The following CTNNA3 variants were observed in gnomAD, a reference collection of about 807,000 sequenced individuals.
The protein encoded by CTNNA3 is catenin alpha-3.
Under a neutral mutation model 95.7 loss-of-function variants are expected in CTNNA3, and 76 were observed. The observed-to-expected ratio is 0.79, with a 90% CI of 0.66 to 0.96. The LOEUF is 0.96. Among genes scored for constraint, CTNNA3 ranks in the 40% least tolerant of loss-of-function variants. The pLI is 0.00. For synonymous variants in CTNNA3, 431 were observed against 374.4 expected, an observed-to-expected ratio of 1.15 and a Z score of -1.74; for missense variants, 1,191 against 1,089.8, an observed-to-expected ratio of 1.09 and a Z score of -1.31.
At chr10:66,600,611 CT>C (rs906104007) in intron 10 of CTNNA3, among the ~76,000 whole-genome samples, 28 of 151,924 alleles carry the variant, frequency 1.8e-4, no homozygotes, top group African/African-American at 6.7e-4. Context: ...CTTCCTCCCC[CT>C]CTTTGCTGTG....
At chr10:67,064,476 A>G (rs1339696689) in intron 7 of CTNNA3, among the ~76,000 whole-genome samples, 1 of 152,196 alleles carries the variant, frequency 6.6e-6, no homozygotes, top group Non-Finnish European at 1.5e-5. Context: ...AAGGATGTTT[A>G]AGTTCACAAT....
intron 7 of CTNNA3, among the ~76,000 whole-genome samples, chr10:67,176,650 G>C (rs539915236): frequency 6.6e-6 from 1 of 152,234 alleles, no homozygotes; most frequent in South Asian, 2.1e-4. Flanking sequence ...GGATTTTGCA[G>C]ATGTAATTAA....
intron 7 of CTNNA3, among the ~76,000 whole-genome samples, chr10:67,122,066 G>C (rs1282846472): frequency 2.0e-5 from 3 of 149,356 alleles, no homozygotes; most frequent in Admixed American, 6.7e-5. Flanking sequence ...AGTCAAGGAC[G>C]TGAAGAAGGG....
At chr10:66,222,581 G>GAAA (rs1412599295) in intron 13 of CTNNA3, among the ~76,000 whole-genome samples, 446 of 147,100 alleles carry the variant, frequency 3.0e-3, no homozygotes, top group African/African-American at 9.0e-3. Flanking sequence ...AAAGAAAGAA[G>GAAA]GAAAGAAAAA....
intron 11 of CTNNA3, among the ~76,000 whole-genome samples, chr10:66,487,696 A>G (rs781034529): frequency 4.6e-5 from 7 of 152,178 alleles, no homozygotes; most frequent in Non-Finnish European, 8.8e-5. Flanking sequence ...TTATTTGTCA[A>G]TTAAATATTT....
At chr10:67,534,553 C>T (rs1840432899) in intron 4 of CTNNA3, among the ~76,000 whole-genome samples, 1 of 152,100 alleles carries the variant, frequency 6.6e-6, no homozygotes. Flanking sequence ...CAAATTGAAG[C>T]CCTTTAGAAT....
intron 12 of CTNNA3, among the ~76,000 whole-genome samples, chr10:66,360,784 TCTTCCTTC>T (rs1234588454): frequency 0.01 from 549 of 52,784 alleles, 73 homozygotes; most frequent in East Asian, 0.025. Flanking sequence ...TTTCTTTCTT[TCTTCCTTC>T]CTTCCTTCCT....
intron 6 of CTNNA3, among the ~76,000 whole-genome samples, chr10:67,209,339 G>A (rs369235498): frequency 9.9e-5 from 15 of 152,184 alleles, no homozygotes; most frequent in Admixed American, 3.9e-4. Flanking sequence ...ATGAGCCACC[G>A]CACGGGCCTA....
intron 7 of CTNNA3, among the ~76,000 whole-genome samples, chr10:66,937,992 T>C (rs1244937015): frequency 6.6e-6 from 1 of 152,142 alleles, no homozygotes; most frequent in African/African-American, 2.4e-5. Context: ...ATCTCTTCTT[T>C]TCCTTCTTCT....
chr10:67,534,744 C>G (rs1840438998), intron 4 of CTNNA3, among the ~76,000 whole-genome samples: 1 of 151,910 alleles, frequency 6.6e-6, no homozygotes, highest in African/African-American at 2.4e-5. Flanking sequence ...AGAATAGAGA[C>G]AGAAAGACAA....
chr10:66,409,100 T>C (rs1414365823), intron 11 of CTNNA3, among the ~76,000 whole-genome samples: 1 of 152,186 alleles, frequency 6.6e-6, no homozygotes, highest in Non-Finnish European at 1.5e-5. Context: ...CTGGGTATTC[T>C]ACATATCTCT....
At chr10:67,419,989 C>T (rs143000435) in intron 5 of CTNNA3, among the ~76,000 whole-genome samples, 24 of 152,236 alleles carry the variant, frequency 1.6e-4, no homozygotes, top group Non-Finnish European at 3.5e-4. Flanking sequence ...GTAGCTGGGA[C>T]TATAGGTGCC....
intron 10 of CTNNA3, among the ~76,000 whole-genome samples, chr10:66,571,374 C>A (rs1842862336): frequency 6.6e-6 from 1 of 152,142 alleles, no homozygotes; most frequent in Admixed American, 6.6e-5. Flanking sequence ...AAGCTAAACC[C>A]ATACTTTCAT....
Position 67,180,349 on chromosome 10 carries a change from G to A in CTNNA3, c.1015C>T (p.Leu339Phe). 1 of 1,613,658 alleles carries A rather than the reference G, an allele frequency of 6.2e-7. No individual in the cohort carries two copies. The highest frequency in any genetic ancestry group is 8.5e-7 in the Non-Finnish European group (1 of 1,179,876). The change falls in exon 7 of 18, where the codon CTT becomes TTT. Residue 339 changes from leucine to phenylalanine, a missense_variant. By Grantham distance (22) the Leu-to-Phe change is conservative. Coordinates refer to ENST00000433211, the MANE Select transcript of CTNNA3 (RefSeq NM_013266.4). ...ATGTACTCTGAAAGCAGATCCTGAA[G>A]AGCCTGGCGAATGGCGTTGCATTCT... ...IAECNAIRQA[L>F]QDLLSEYMNN...
intron 10 of CTNNA3, among the ~76,000 whole-genome samples, chr10:66,604,519 A>G (rs1294801506): frequency 6.6e-6 from 1 of 152,152 alleles, no homozygotes; most frequent in Non-Finnish European, 1.5e-5. Flanking sequence ...CTGTCACCAT[A>G]CTACGAAATG....
At chr10:67,422,367 G>A (rs1369844809) in intron 5 of CTNNA3, among the ~76,000 whole-genome samples, 4 of 152,142 alleles carry the variant, frequency 2.6e-5, no homozygotes, top group Non-Finnish European at 2.9e-5. Context: ...AGTCCAGAAG[G>A]AAGAGAGAGA....
chr10:66,149,509 G>A (rs1276653093), intron 13 of CTNNA3, among the ~76,000 whole-genome samples: 1 of 150,972 alleles, frequency 6.6e-6, no homozygotes, highest in Non-Finnish European at 1.5e-5. Flanking sequence ...TCATTTTGTG[G>A]AATTCACTAT....
chr10:66,013,746 T>C (rs2079045963), intron 15 of CTNNA3, among the ~76,000 whole-genome samples: 1 of 152,222 alleles, frequency 6.6e-6, no homozygotes, highest in Admixed American at 6.5e-5. Context: ...CCAAGTTTTT[T>C]AGATTTTGTG....
At chr10:65,982,477 T>C (rs1398529338) in intron 16 of CTNNA3, among the ~76,000 whole-genome samples, 2 of 151,132 alleles carry the variant, frequency 1.3e-5, no homozygotes, top group South Asian at 2.1e-4. Context: ...AGAACTATCA[T>C]CTGATCTAGT....
Sources: allele counts gnomAD v4.1 joint callset (sites outside exome capture counted in the v4.1 genomes callset), GRCh38; gene constraint gnomAD v4.1.1; transcripts MANE v1.5; gene names NCBI Gene and HGNC (gene_info 2026-07-23, HGNC 2026-07-21).